Variants in NCR3LG1 observed in about 807,000 individuals in gnomAD.
The protein encoded by NCR3LG1 is natural killer cell cytotoxicity receptor 3 ligand 1, also known as natural cytotoxicity triggering receptor 3 ligand 1.
In NCR3LG1, 35 loss-of-function variants were observed where a neutral mutation model predicts 34.8. The ratio of observed to expected loss-of-function variants is 1.01; its 90% CI spans 0.77 to 1.33. NCR3LG1 has a LOEUF of 1.33. NCR3LG1 is among the 40% of genes most tolerant of loss of function. NCR3LG1 has a pLI of 0.00. For missense variants in NCR3LG1, 452 were observed against 423.3 expected (o/e 1.07, Z -0.60); for synonymous variants, 173 against 163.6 (o/e 1.06, Z -0.44).
rs1298074424 is a variant in NCR3LG1 at position 17,362,756 on chromosome 11, CTTTCTTTCT to C, written c.422-4250_422-4242del. Reference sequence around the variant, plus strand: ...TCTTTCTTTCTTTCTTTCTTTCTTTCTTTCTTTCTTTCCTTCCTTCCTTCTTTCCTTCTT... The same window carrying C: ...TCTTTCTTTCTTTCTTTCTTTCTTTCTTCCTTCCTTCCTTCTTTCCTTCTT... On this transcript the variant is annotated intron_variant, in intron 2 of 4. Coordinates refer to ENST00000338965, the MANE Select transcript of NCR3LG1 (RefSeq NM_001202439.3). 7.1e-4 allele frequency among the ~76,000 whole-genome samples: 83 copies of C among 116,706 alleles called. 1 individual carries two copies. The highest frequency in any genetic ancestry group is 3.4e-3 in the East Asian group (14 of 4,170). The allele number at this position is 116,706 out of a possible 152,430, so 76.6% of individuals were successfully genotyped here. A position where few individuals can be genotyped will look rare whatever the true frequency, so the allele number is the denominator to read the frequency against.
At position 17,371,554 on chromosome 11, in the gene NCR3LG1, C is replaced by G. The variant is rs144111131; in HGVS notation, c.859-452C>G. Among the ~76,000 whole-genome samples, 6 of 152,330 alleles carry G rather than the reference C, an allele frequency of 3.9e-5. No homozygotes were observed. The East Asian group carries it at 1.2e-3, about 29-fold the overall frequency. The stretch of plus-strand genomic sequence containing the variant: ...GGCATCTGTTCTGTACACAGCTACA[C>G]TGGCATCTAAGTGAGAAAGGGATCT... On this transcript the variant is annotated intron_variant, in intron 4 of 4. Transcript: ENST00000338965.
Position 17,368,891 on chromosome 11 carries a change from C to T in NCR3LG1, c.785C>T (p.Ser262Phe). 6.5e-7 allele frequency: 1 copy of T among 1,533,630 alleles called. No homozygotes were observed. The highest frequency in any genetic ancestry group is 8.7e-7 in the Non-Finnish European group (1 of 1,144,966). Residue 262 changes from serine (S) to phenylalanine (F), a missense_variant, in exon 4 of 5, where the codon TCC becomes TTC. By Grantham distance (155) the Ser-to-Phe change is radical (BLOSUM62 -2). Coordinates refer to ENST00000338965, the MANE Select transcript of NCR3LG1 (RefSeq NM_001202439.3). ...GAAACTGAGAAGACAGATAATTTTT[C>T]CATTCATTGGTGGCCTATTTCATTC... ...LSETEKTDNF[S>F]IHWWPISFIG...
At position 17,375,978 on chromosome 11, in the gene NCR3LG1, G is replaced by A. The variant is rs550430470; in HGVS notation, c.*3466G>A. ...GAAGATTCTTAAAATCCTCCACTGA[G>A]CCTTTCACTTAGGAAAGCATAAGAC... On this transcript the variant is annotated 3_prime_UTR_variant, in exon 5 of 5. Transcript: ENST00000338965. 3 of 152,208 alleles carry A rather than the reference G, an allele frequency of 2.0e-5. No homozygotes were observed. Among genetic ancestry groups the A allele is most frequent in the Non-Finnish European group, 4.4e-5 (3 of 68,034 alleles). 9.4% of individuals were successfully genotyped at this position (152,208 alleles called of 1,614,324 possible). A position where few individuals can be genotyped will look rare whatever the true frequency, so the allele number is the denominator to read the frequency against.
In NCR3LG1 at chr11:17,365,430, T is replaced by C. The variant is rs192355780; in HGVS notation, c.422-1579T>C. On this transcript the variant is annotated intron_variant, in intron 2 of 4. Transcript: ENST00000338965. ...GAGAATCTGTTTATACTTTTATGAT[T>C]AAATCTTATTCTTTTAGTGGCCTGA... Among the ~76,000 whole-genome samples, 7 of 152,336 alleles carry C rather than the reference T, an allele frequency of 4.6e-5. No homozygotes were observed. The South Asian group carries it at 8.3e-4, about 18-fold the overall frequency.
intron 2 of NCR3LG1, among the ~76,000 whole-genome samples, chr11:17,364,782 G>T (rs34327804): frequency 0.24 from 36,614 of 151,938 alleles, 5,251 homozygotes; most frequent in East Asian, 0.51. Context: ...CTGACCTCAG[G>T]TGATCCACCC....
chr11:17,377,322 C>CAAAAAAA lies in NCR3LG1; in HGVS notation c.*4823_*4829dup, dbSNP rs60164401. On this transcript the variant is annotated 3_prime_UTR_variant, in exon 5 of 5. Transcript: ENST00000338965. ...TGAAACCCCGTCTGTACTAATAATA[C>CAAAAAAA]AAAAAAAAAAAAAAAAAAAGCCAGG... 1 of 80,304 alleles carries CAAAAAAA rather than the reference C, an allele frequency of 1.2e-5. No individual in the cohort carries two copies. The highest frequency in any genetic ancestry group is 4.8e-5 in the African/African-American group (1 of 20,940). 5.0% of individuals were successfully genotyped at this position (80,304 alleles called of 1,614,324 possible). A position where few individuals can be genotyped will look rare whatever the true frequency, so the allele number is the denominator to read the frequency against.
chr11:17,362,679 CCTTCCTTCCTTCCTTTCTTTCTTTCTTT>C (rs1182314687), intron 2 of NCR3LG1, among the ~76,000 whole-genome samples: 6,711 of 68,284 alleles, frequency 0.098, 811 homozygotes, highest in Middle Eastern at 0.16. Context: ...GTGTCTCCTT[CCTTCCTTCCTTCCTTTCTTTCTTTCTTT>C]CTTTCTTTCT....
chr11:17,362,951 T>C (rs12146443), intron 2 of NCR3LG1, among the ~76,000 whole-genome samples: 88,826 of 126,394 alleles, frequency 0.7, 32,625 homozygotes, highest in African/African-American at 0.93. Flanking sequence ...TGCAACGTCT[T>C]GCTTTGCTGT....
intron 3 of NCR3LG1, among the ~76,000 whole-genome samples, chr11:17,367,821 C>CTTT (rs59039794): frequency 1.4e-5 from 2 of 140,008 alleles, no homozygotes; most frequent in African/African-American, 2.7e-5. Context: ...GTAGTCTTGT[C>CTTT]TTTTTTTTTT....
At chr11:17,353,524 C>T (rs1051597052) in intron 1 of NCR3LG1, among the ~76,000 whole-genome samples, 8 of 152,242 alleles carry the variant, frequency 5.3e-5, no homozygotes, top group Non-Finnish European at 8.8e-5. Flanking sequence ...CCGCCGCGCC[C>T]ACCCGGTCCC....
chr11:17,380,258 T>G (rs1953506999), downstream of NCR3LG1, among the ~76,000 whole-genome samples: 1 of 152,162 alleles, frequency 6.6e-6, no homozygotes, highest in Non-Finnish European at 1.5e-5. Flanking sequence ...TGGGTTTTCA[T>G]CAGGTACTCT....
downstream of NCR3LG1, among the ~76,000 whole-genome samples, chr11:17,378,483 C>G (rs535642567): frequency 6.6e-6 from 1 of 152,282 alleles, no homozygotes; most frequent in South Asian, 2.1e-4. Context: ...TTTCCTCTCA[C>G]TTAGAGGCTA....
At chr11:17,357,322 G>GT (rs973817088) in intron 2 of NCR3LG1, among the ~76,000 whole-genome samples, 2 of 152,106 alleles carry the variant, frequency 1.3e-5, no homozygotes, top group African/African-American at 4.8e-5. Flanking sequence ...TCTTTCCTTT[G>GT]TGCCTATATC....
chr11:17,359,669 G>A (rs551595674), intron 2 of NCR3LG1, among the ~76,000 whole-genome samples: 5 of 151,820 alleles, frequency 3.3e-5, no homozygotes, highest in South Asian at 2.1e-4. Context: ...CCGCCACCAC[G>A]CCTGGCTAAT....
chr11:17,355,022 C>A (rs1292912666), intron 1 of NCR3LG1, among the ~76,000 whole-genome samples: 2 of 152,114 alleles, frequency 1.3e-5, no homozygotes, highest in African/African-American at 2.4e-5. Flanking sequence ...TTTGAAATAG[C>A]AAATGTAATA....
At chr11:17,378,890 A>G (rs1003735569), downstream of NCR3LG1, among the ~76,000 whole-genome samples, 4 of 152,210 alleles carry the variant, frequency 2.6e-5, no homozygotes, top group African/African-American at 9.6e-5. Context: ...GATGCCCACA[A>G]TGGAAAATTC....
chr11:17,369,254 C>G (rs1953381075), intron 4 of NCR3LG1, among the ~76,000 whole-genome samples: 1 of 152,204 alleles, frequency 6.6e-6, no homozygotes, highest in African/African-American at 2.4e-5. Context: ...AGTATTATAT[C>G]TCTGTGAATG....
chr11:17,351,995 C>A lies in NCR3LG1; in HGVS notation c.26C>A (p.Thr9Lys). Reference protein sequence around the residue: MTWRAAASTCAALLILLWA... With the variant: MTWRAAASKCAALLILLWA... ...ATGACGTGGAGGGCTGCCGCCTCCACGTGCGCGGCGCTCCTGATTCTGCTG... is the reference window on the plus strand; with the variant it reads ...ATGACGTGGAGGGCTGCCGCCTCCAAGTGCGCGGCGCTCCTGATTCTGCTG... Residue 9 changes from threonine to lysine, a missense_variant, in exon 1 of 5, where the codon ACG becomes AAG. Transcript: ENST00000338965. 1.6e-6 allele frequency: 2 copies of A among 1,275,376 alleles called. No individual in the cohort carries two copies. The highest frequency in any genetic ancestry group is 2.0e-6 in the Non-Finnish European group (2 of 985,564). The allele number at this position is 1,275,376 out of a possible 1,614,324, so 79.0% of individuals were successfully genotyped here.
At chr11:17,377,566 G>A (rs184888196), downstream of NCR3LG1, among the ~76,000 whole-genome samples, 76 of 152,318 alleles carry the variant, frequency 5.0e-4, 1 homozygote, top group East Asian at 7.1e-3. Flanking sequence ...AAATGGCATC[G>A]TGAGTGACTA....
Sources: gnomAD v4.1 joint callset for allele counts (sites outside exome capture counted in the v4.1 genomes callset) on GRCh38, gnomAD v4.1.1 for gene constraint, MANE v1.5 for transcripts, NCBI Gene and HGNC (gene_info 2026-07-23, HGNC 2026-07-21) for gene names.